TTC6: variants seen among roughly 807,000 people sequenced by gnomAD.
TTC6 encodes tetratricopeptide repeat protein 6.
TTC6 carries 172 observed loss-of-function variants against 210.4 expected under a neutral mutation model. The observed-to-expected ratio is 0.82, with a 90% CI of 0.72 to 0.93. The LOEUF is 0.93. Among genes scored for constraint, TTC6 ranks in the 40% least tolerant of loss-of-function variants. TTC6 has a pLI of 0.00. For synonymous variants in TTC6, 804 were observed against 819.6 expected (o/e 0.98, Z 0.32); for missense variants, 2,414 against 2,318.1 (o/e 1.04, Z -0.85).
chr14:37,835,507 AAC>A (rs1420393631), intron 29 of TTC6, among the ~76,000 whole-genome samples: 1 of 152,164 alleles, frequency 6.6e-6, no homozygotes, highest in Non-Finnish European at 1.5e-5. Context: ...ATGGGAGCAG[AAC>A]ACACTACCCA....
chr14:37,781,884 A>T (rs1299214047), intron 14 of TTC6, among the ~76,000 whole-genome samples: 2 of 152,138 alleles, frequency 1.3e-5, no homozygotes, highest in Admixed American at 1.3e-4. Flanking sequence ...TAAGTGGGGA[A>T]TCCTTTCCCC....
intron 1 of TTC6, among the ~76,000 whole-genome samples, chr14:37,626,072 C>T (rs750172560): frequency 2.6e-5 from 4 of 152,136 alleles, no homozygotes; most frequent in South Asian, 2.1e-4. Flanking sequence ...TAAAAAATGT[C>T]TCTAGATGTT....
intron 14 of TTC6, among the ~76,000 whole-genome samples, chr14:37,785,313 G>GT (rs2139291421): frequency 6.6e-6 from 1 of 152,234 alleles, no homozygotes; most frequent in East Asian, 1.9e-4. Context: ...TGGAGGCTTT[G>GT]TTTATTTCTT....
intron 2 of TTC6, among the ~76,000 whole-genome samples, chr14:37,615,441 T>C (rs1389721138): frequency 6.6e-6 from 1 of 152,134 alleles, no homozygotes; most frequent in East Asian, 1.9e-4. Context: ...TTAGCGCTTT[T>C]TGGTATTATC....
At chr14:37,837,729 C>T (rs1158860122) in intron 29 of TTC6, among the ~76,000 whole-genome samples, 1 of 152,116 alleles carries the variant, frequency 6.6e-6, no homozygotes, top group East Asian at 1.9e-4. Flanking sequence ...GAAACTGATG[C>T]AAATAGAGTT....
chr14:37,616,177 G>A (rs529274263), intron 2 of TTC6, among the ~76,000 whole-genome samples: 23 of 152,302 alleles, frequency 1.5e-4, no homozygotes, highest in South Asian at 8.3e-4. Context: ...AGTCGGAGAC[G>A]TGTGGGGTTT....
At chr14:37,822,559 G>C (rs1227076273) in intron 26 of TTC6, among the ~76,000 whole-genome samples, 1 of 152,184 alleles carries the variant, frequency 6.6e-6, no homozygotes, top group East Asian at 1.9e-4. Flanking sequence ...TGTGCTAGGT[G>C]TTCTTCACAT....
chr14:37,717,309 G>A (rs1006816590), intron 6 of TTC6, among the ~76,000 whole-genome samples: 3 of 151,600 alleles, frequency 2.0e-5, no homozygotes, highest in African/African-American at 4.8e-5. Context: ...TTAATCTCTG[G>A]CAAGACAAGA....
chr14:37,696,265 A>G (rs1595118021), intron 3 of TTC6, among the ~76,000 whole-genome samples: 1 of 152,154 alleles, frequency 6.6e-6, no homozygotes, highest in Admixed American at 6.5e-5. Flanking sequence ...CACAGAGAAA[A>G]TATCTTTACA....
At chr14:37,601,931 C>A (rs2095616309) in intron 1 of TTC6, among the ~76,000 whole-genome samples, 1 of 152,198 alleles carries the variant, frequency 6.6e-6, no homozygotes, top group Admixed American at 6.6e-5. Flanking sequence ...TGTCAGGCAA[C>A]ACTTTTCACT....
At chr14:37,729,099 CAT>C (rs1458787048) in intron 7 of TTC6, among the ~76,000 whole-genome samples, 1 of 151,952 alleles carries the variant, frequency 6.6e-6, no homozygotes, top group Non-Finnish European at 1.5e-5. Flanking sequence ...TCTTTGCACA[CAT>C]ATGTGTATTT....
At chr14:37,716,633 C>A (rs2095853202) in intron 6 of TTC6, among the ~76,000 whole-genome samples, 1 of 151,964 alleles carries the variant, frequency 6.6e-6, no homozygotes, top group Non-Finnish European at 1.5e-5. Context: ...AGAAGACATG[C>A]CAGTCTTAAA....
intron 3 of TTC6, among the ~76,000 whole-genome samples, chr14:37,687,880 C>A (rs7147915): frequency 0.63 from 94,996 of 151,940 alleles, 29,873 homozygotes; most frequent in East Asian, 0.85. Context: ...GCTGTGGTGG[C>A]TACAGGGTGA....
At chr14:37,682,953 G>C in exon 3 of TTC6, 4 of 1,535,338 alleles carry the variant, frequency 2.6e-6, no homozygotes, top group Non-Finnish European at 3.5e-6. Flanking sequence ...AGCCAAGTGG[G>C]TGTCTTTAAC....
exon 20 of TTC6, chr14:37,796,904 G>A (rs1182953040): frequency 6.2e-7 from 1 of 1,606,830 alleles, no homozygotes; most frequent in Non-Finnish European, 8.5e-7. Context: ...ATGACCATGT[G>A]TGCTCTATTA....
intron 14 of TTC6, among the ~76,000 whole-genome samples, chr14:37,769,424 T>A (rs1321264897): frequency 1.3e-5 from 2 of 152,022 alleles, no homozygotes; most frequent in Admixed American, 6.6e-5. Context: ...TGTGAATCCA[T>A]CTGATCCTGG....
In TTC6 at chr14:37,598,634, C is replaced by A. The variant is rs1483932583; in HGVS notation, c.-235+2626C>A. ...AGGTAGAAGCAGAGGGAGACGACGG[C>A]GAAAGGTGGAAGGAGAGGCCGCGGC... On this transcript the variant is annotated intron_variant, in intron 1 of 2. Coordinates refer to the TTC6 transcript ENST00000556845. The surrounding 1 kb of genome is among the most constrained non-coding windows in gnomAD (Gnocchi z 4.9). 1.3e-5 allele frequency among the ~76,000 whole-genome samples: 2 copies of A among 152,144 alleles called. No homozygotes were observed. The highest frequency in any genetic ancestry group is 2.9e-5 in the Non-Finnish European group (2 of 68,014).
chr14:37,741,830 C>T (rs1264343455), intron 10 of TTC6, among the ~76,000 whole-genome samples: 3 of 152,154 alleles, frequency 2.0e-5, no homozygotes, highest in African/African-American at 7.2e-5. Flanking sequence ...AGCCCTGTTG[C>T]TTCCCTCCTC....
At chr14:37,692,208 CAAAAAAAAAA>C (rs3062759) in intron 3 of TTC6, among the ~76,000 whole-genome samples, 2 of 40,154 alleles carry the variant, frequency 5.0e-5, no homozygotes, top group African/African-American at 1.2e-4. Context: ...AAAGACACAC[CAAAAAAAAAA>C]AAAAAAAAAA....
Sources: gnomAD v4.1 joint callset for allele counts (sites outside exome capture counted in the v4.1 genomes callset) on GRCh38, gnomAD v4.1.1 for gene constraint, Gnocchi (gnomAD v3.1) non-coding constraint, MANE v1.5 for transcripts, NCBI Gene and HGNC (gene_info 2026-07-23, HGNC 2026-07-21) for gene names.